C2orf68: variants seen among roughly 807,000 people sequenced by gnomAD.
C2orf68 encodes chromosome 2 open reading frame 68, also known as UPF0561 protein C2orf68.
C2orf68 carries 15 observed loss-of-function variants against 19.1 expected under a neutral mutation model. That is an observed-to-expected ratio of 0.79 (90% CI 0.53 to 1.21). C2orf68 has a LOEUF of 1.21. Among genes scored for constraint, C2orf68 ranks in the 50% most tolerant of loss-of-function variants. The pLI is 0.00. For synonymous variants in C2orf68, 98 were observed against 91.0 expected, an observed-to-expected ratio of 1.08 and a Z score of -0.44; for missense variants, 242 against 226.6, an observed-to-expected ratio of 1.07 and a Z score of -0.44.
rs1673582627 is a variant in C2orf68, at chr2:85,612,013, G to T, written c.-29C>A. 5 of 1,438,520 alleles carry T rather than the reference G, an allele frequency of 3.5e-6. No homozygotes were observed. Among genetic ancestry groups the T allele is most frequent in the Non-Finnish European group, 4.6e-6 (5 of 1,089,284 alleles). 89.1% of individuals were successfully genotyped at this position (1,438,520 alleles called of 1,614,324 possible). On this transcript the variant is annotated 5_prime_UTR_variant, in exon 1 of 4. Transcript: ENST00000306336. ...GAGCCGGGGACGCAGAGTCGCCGCC[G>T]CCTCGACGGCCCCAACAACAGCCAC... is the stretch of plus-strand genomic sequence containing the variant.
chr2:85,607,816 G>A lies in C2orf68; in HGVS notation c.*1129C>T, dbSNP rs1673272449. ...TGCCTTGGAACTTCCGTACTGGAGG[G>A]GGAGGATGTCTTGTGGAATTCAGAC... is the stretch of plus-strand genomic sequence containing the variant. On this transcript the variant is annotated 3_prime_UTR_variant, in exon 4 of 4. Transcript: ENST00000306336. The A allele has an allele frequency of 6.6e-6, 1 of 152,206 alleles. No homozygotes were observed. The highest frequency in any genetic ancestry group is 2.4e-5 in the African/African-American group (1 of 41,432). 9.4% of individuals were successfully genotyped at this position (152,206 alleles called of 1,614,324 possible).
Position 85,606,177 on chromosome 2 carries a change from C to T in C2orf68, c.*2768G>A, listed in dbSNP as rs908742938. 6.6e-6 allele frequency among the ~76,000 whole-genome samples: 1 copy of T among 152,098 alleles called. No homozygotes were observed. The highest frequency in any genetic ancestry group is 1.5e-5 in the Non-Finnish European group (1 of 68,028). The stretch of plus-strand genomic sequence containing the variant: ...GCCTATCAGATTGTGTGTGTGTGCG[C>T]GTTTTTTAAAGACAGCCAATTACAT... On this transcript the variant is annotated 3_prime_UTR_variant, in exon 4 of 4. Transcript: ENST00000306336.
rs369096715 is a variant in C2orf68 at position 85,609,569 on chromosome 2, G to C, written c.244C>G (p.Arg82Gly). 6.2e-7 allele frequency: 1 copy of C among 1,614,092 alleles called. No individual in the cohort carries two copies. The highest frequency in any genetic ancestry group is 1.3e-5 in the African/African-American group (1 of 74,940). The change falls in exon 3 of 4, where the codon CGC becomes GGC. Residue 82 changes from arginine to glycine, a missense_variant. Arg to Gly is a moderately radical substitution (Grantham distance 125). Transcript: ENST00000306336. ...CCGGACTCTTCATAGTCTGGGTTGC[G>C]TGGGTGGGCAGAGACATCTGGAAGG... The part of the protein sequence containing the change: ...PRHRDVSAHP[R>G]NPDYEESGES...
chr2:85,605,700 G>A lies in C2orf68; in HGVS notation c.*3245C>T, dbSNP rs1320485221. ...AGCCCTCATTTAAATTTGTGAGCCTGCTTGGGATCCATTACCTAGCCATTC... is the reference window on the plus strand; with the variant it reads ...AGCCCTCATTTAAATTTGTGAGCCTACTTGGGATCCATTACCTAGCCATTC... On this transcript the variant is annotated 3_prime_UTR_variant, in exon 4 of 4. Coordinates refer to ENST00000306336, the MANE Select transcript of C2orf68 (RefSeq NM_001013649.4). 6.6e-6 allele frequency among the ~76,000 whole-genome samples: 1 copy of A among 152,164 alleles called. No homozygotes were observed. The highest frequency in any genetic ancestry group is 1.9e-4 in the East Asian group (1 of 5,198).
At position 85,607,803 on chromosome 2, in the gene C2orf68, TC is replaced by T. The variant is rs1021074313; in HGVS notation, c.*1141del. Reference sequence around the variant, plus strand: ...GCTGGAAAACAAGTGCCTTGGAACTTCCGTACTGGAGGGGGAGGATGTCTTG... The same window carrying T: ...GCTGGAAAACAAGTGCCTTGGAACTTCGTACTGGAGGGGGAGGATGTCTTG... On this transcript the variant is annotated 3_prime_UTR_variant, in exon 4 of 4. Coordinates refer to ENST00000306336, the MANE Select transcript of C2orf68 (RefSeq NM_001013649.4). 2 of 152,210 alleles carry T rather than the reference TC, an allele frequency of 1.3e-5. No homozygotes were observed. Among genetic ancestry groups the T allele is most frequent in the African/African-American group, 2.4e-5 (1 of 41,446 alleles). The allele number at this position is 152,210 out of a possible 1,614,324, so 9.4% of individuals were successfully genotyped here. A position where few individuals can be genotyped will look rare whatever the true frequency, so the allele number is the denominator to read the frequency against.
rs759291669 is a variant in C2orf68 at position 85,611,866 on chromosome 2, G to A, written c.107+12C>T. 3 of 1,598,682 alleles carry A rather than the reference G, an allele frequency of 1.9e-6. No homozygotes were observed. The highest frequency in any genetic ancestry group is 1.7e-6 in the Non-Finnish European group (2 of 1,177,536). ...GGAGTGGTGGCGGCGGCGGCGCAGG[G>A]CGGGGCGGTACCGAGCGATCTGGTT... is the stretch of plus-strand genomic sequence containing the variant. On this transcript the variant is annotated intron_variant, in intron 1 of 3. Coordinates refer to ENST00000306336, the MANE Select transcript of C2orf68 (RefSeq NM_001013649.4).
chr2:85,605,706 G>T lies in C2orf68; in HGVS notation c.*3239C>A, dbSNP rs1382317214. Among the ~76,000 whole-genome samples, 2 of 152,120 alleles carry T rather than the reference G, an allele frequency of 1.3e-5. No individual in the cohort carries two copies. The highest frequency in any genetic ancestry group is 6.6e-5 in the Admixed American group (1 of 15,258). On this transcript the variant is annotated 3_prime_UTR_variant, in exon 4 of 4. Coordinates refer to ENST00000306336, the MANE Select transcript of C2orf68 (RefSeq NM_001013649.4). ...CATTTAAATTTGTGAGCCTGCTTGGGATCCATTACCTAGCCATTCAGAGAT... is the reference window on the plus strand; with the variant it reads ...CATTTAAATTTGTGAGCCTGCTTGGTATCCATTACCTAGCCATTCAGAGAT...
Position 85,609,418 on chromosome 2 carries a change from G to T in C2orf68, c.378+17C>A, listed in dbSNP as rs1169837484. Reference sequence around the variant, plus strand: ...GGCCCAGGACCTTCAGGCTGCAGCTGTTTCCACCAGGCGTACCTGATAGAC... The same window carrying T: ...GGCCCAGGACCTTCAGGCTGCAGCTTTTTCCACCAGGCGTACCTGATAGAC... On this transcript the variant is annotated intron_variant, in intron 3 of 3. Coordinates refer to ENST00000306336, the MANE Select transcript of C2orf68 (RefSeq NM_001013649.4). The T allele has an allele frequency of 1.9e-6, 3 of 1,612,528 alleles. No homozygotes were observed. In the East Asian group the frequency reaches 6.7e-5, roughly 36 times the overall value.
Position 85,607,653 on chromosome 2 carries a change from G to C in C2orf68, c.*1292C>G, listed in dbSNP as rs1409827813. 1 of 152,202 alleles carries C rather than the reference G, an allele frequency of 6.6e-6. No homozygotes were observed. The highest frequency in any genetic ancestry group is 1.5e-5 in the Non-Finnish European group (1 of 68,040). 9.4% of individuals were successfully genotyped at this position (152,202 alleles called of 1,614,324 possible). On this transcript the variant is annotated 3_prime_UTR_variant, in exon 4 of 4. Coordinates refer to ENST00000306336, the MANE Select transcript of C2orf68 (RefSeq NM_001013649.4). ...CTGGGGTATAGGGGACAAACCAACA[G>C]TGCCATCAGGTGTCTTAACACCCGG...
intron 2 of C2orf68, chr2:85,611,129 A>C: frequency 4.9e-6 from 2 of 409,366 alleles, no homozygotes; most frequent in Non-Finnish European, 7.0e-6. Flanking sequence ...GGTCCCAGGT[A>C]CTCGGGAGGC....
chr2:85,609,489 G>A lies in C2orf68; in HGVS notation c.324C>T (p.Phe108=), dbSNP rs1221697710. 6.2e-7 allele frequency: 1 copy of A among 1,614,096 alleles called. No individual in the cohort carries two copies. Among genetic ancestry groups the A allele is most frequent in the Admixed American group, 1.7e-5 (1 of 60,010 alleles). Reference sequence around the variant, plus strand: ...CACTGTCTGCCTCGTATTCTAAGCAGAAGAGCTGATGGCCAGAAGGCTCCA... The same window carrying A: ...CACTGTCTGCCTCGTATTCTAAGCAAAAGAGCTGATGGCCAGAAGGCTCCA... ...SELEPSGHQL[F]CLEYEADSGE... The change falls in exon 3 of 4, where the codon TTC becomes TTT. Residue 108 remains phenylalanine (F), a synonymous_variant. Transcript: ENST00000306336.
At position 85,608,813 on chromosome 2, in the gene C2orf68, A is replaced by G; in HGVS notation, c.*132T>C. The G allele has an allele frequency of 4.0e-6, 5 of 1,248,214 alleles. No homozygotes were observed. The highest frequency in any genetic ancestry group is 2.1e-5 in the Admixed American group (1 of 46,914). The allele number at this position is 1,248,214 out of a possible 1,614,324, so 77.3% of individuals were successfully genotyped here. On this transcript the variant is annotated 3_prime_UTR_variant, in exon 4 of 4. Transcript: ENST00000306336. Reference sequence around the variant, plus strand: ...GGCAGGCCAGGTGTAGTCCTGCAACACCCTATGGATGCAGCAGCTCTGGGG... The same window carrying G: ...GGCAGGCCAGGTGTAGTCCTGCAACGCCCTATGGATGCAGCAGCTCTGGGG...
In C2orf68 at chr2:85,608,981, G is replaced by C; in HGVS notation, c.465C>G (p.Ile155Met). 6.2e-7 allele frequency: 1 copy of C among 1,614,244 alleles called. No homozygotes were observed. The highest frequency in any genetic ancestry group is 8.5e-7 in the Non-Finnish European group (1 of 1,180,054). The change falls in exon 4 of 4, where the codon ATC becomes ATG. Residue 155 changes from isoleucine (I) to methionine (M), a missense_variant. Physicochemically the swap from Ile to Met is conservative, Grantham distance 10 (BLOSUM62 1). Transcript: ENST00000306336. The stretch of plus-strand genomic sequence containing the variant: ...TCTGGCGCTTTGCAATCTCCTCCTG[G>C]ATACGCAACTTGAGGGCTTCTCGCA... ...PPMREALKLR[I>M]QEEIAKRQSQ...
chr2:85,608,727 A>G lies in C2orf68; in HGVS notation c.*218T>C. ...AAAAAAAAAAAAAAAAAAAAAAAAA[A>G]AAGAATTCCAGAATATCAGGCTGGG... On this transcript the variant is annotated 3_prime_UTR_variant, in exon 4 of 4. Transcript: ENST00000306336. 3.2e-6 allele frequency: 1 copy of G among 308,360 alleles called. No individual in the cohort carries two copies. The allele number at this position is 308,360 out of a possible 1,614,324, so 19.1% of individuals were successfully genotyped here.
In C2orf68 at chr2:85,607,835, T is replaced by A. The variant is rs543649860; in HGVS notation, c.*1110A>T. The A allele has an allele frequency of 1.3e-5, 2 of 152,300 alleles. No homozygotes were observed. Among genetic ancestry groups the A allele is most frequent in the South Asian group, 4.1e-4 (2 of 4,830 alleles). The allele number at this position is 152,300 out of a possible 1,614,324, so 9.4% of individuals were successfully genotyped here. ...TGGAGGGGGAGGATGTCTTGTGGAA[T>A]TCAGACGTAAGCCTAACCCTGCATT... On this transcript the variant is annotated 3_prime_UTR_variant, in exon 4 of 4. Coordinates refer to ENST00000306336, the MANE Select transcript of C2orf68 (RefSeq NM_001013649.4).
At chr2:85,611,182 T>C in intron 2 of C2orf68, 11 of 1,043,738 alleles carry the variant, frequency 1.1e-5, no homozygotes, top group Non-Finnish European at 1.3e-5. Flanking sequence ...CACTCCAGCC[T>C]GGGCGACAGA....
chr2:85,610,644 G>C (rs1391504125), intron 2 of C2orf68: 1 of 152,048 alleles, frequency 6.6e-6, no homozygotes, highest in African/African-American at 2.4e-5. Flanking sequence ...GCCTAACAAA[G>C]GTAGTGGCAC....
rs1023689618 is a variant in C2orf68, at chr2:85,611,988, G to A, written c.-4C>T. The A allele has an allele frequency of 6.5e-7, 1 of 1,527,302 alleles. No individual in the cohort carries two copies. 94.6% of individuals were successfully genotyped at this position (1,527,302 alleles called of 1,614,324 possible). On this transcript the variant is annotated 5_prime_UTR_variant, in exon 1 of 4. Transcript: ENST00000306336. The stretch of plus-strand genomic sequence containing the variant: ...GGGGATGCGGCCCCGCCTCCATCAG[G>A]AGCCGGGGACGCAGAGTCGCCGCCG...
In C2orf68 at chr2:85,611,987, G is replaced by A. The variant is rs1673579007; in HGVS notation, c.-3C>T. On this transcript the variant is annotated 5_prime_UTR_variant, in exon 1 of 4. Transcript: ENST00000306336. ...CGGGGATGCGGCCCCGCCTCCATCA[G>A]GAGCCGGGGACGCAGAGTCGCCGCC... The A allele has an allele frequency of 6.5e-7, 1 of 1,527,290 alleles. No homozygotes were observed. The highest frequency in any genetic ancestry group is 2.4e-5 in the East Asian group (1 of 41,764). The allele number at this position is 1,527,290 out of a possible 1,614,324, so 94.6% of individuals were successfully genotyped here. A position where few individuals can be genotyped will look rare whatever the true frequency, so the allele number is the denominator to read the frequency against.
Sources: allele counts gnomAD v4.1 joint callset (sites outside exome capture counted in the v4.1 genomes callset), GRCh38; gene constraint gnomAD v4.1.1; transcripts MANE v1.5; gene names NCBI Gene and HGNC (gene_info 2026-07-23, HGNC 2026-07-21).